RBM20: variants seen among roughly 807,000 people sequenced by gnomAD.
The protein encoded by RBM20 is RNA binding motif protein 20, also known as RNA-binding protein 20.
RBM20 carries 51 observed loss-of-function variants against 110.1 expected under a neutral mutation model. That is an observed-to-expected ratio of 0.46 (90% CI 0.37 to 0.59). RBM20 has a LOEUF of 0.59. RBM20 is among the 20% of genes least tolerant of loss of function. The probability of loss-of-function intolerance (pLI) is 0.00; values close to 1 mark genes in which losing one functional copy is unlikely to be tolerated. For missense variants in RBM20, 1,512 were observed against 1,574.9 expected, an observed-to-expected ratio of 0.96 and a Z score of 0.68; for synonymous variants, 589 against 618.2, an observed-to-expected ratio of 0.95 and a Z score of 0.70.
chr10:110,747,658 G>T (rs78679572), intron 1 of RBM20, among the ~76,000 whole-genome samples: 4 of 152,174 alleles, frequency 2.6e-5, no homozygotes, highest in African/African-American at 7.2e-5. Context: ...GAGGTACTTG[G>T]CTGGGACCAA....
intron 7 of RBM20, among the ~76,000 whole-genome samples, chr10:110,807,596 A>G (rs1844711014): frequency 6.6e-6 from 1 of 152,152 alleles, no homozygotes; most frequent in Non-Finnish European, 1.5e-5. Flanking sequence ...TCCTGCCCCC[A>G]TGCACCTGAG....
chr10:110,703,889 A>ACC (rs1172837712), intron 1 of RBM20, among the ~76,000 whole-genome samples: 11 of 152,190 alleles, frequency 7.2e-5, no homozygotes, highest in Non-Finnish European at 1.6e-4. Flanking sequence ...CGGTGGGTGG[A>ACC]TCACTTGAGG....
At chr10:110,650,243 G>A (rs1240892897) in intron 1 of RBM20, among the ~76,000 whole-genome samples, 1 of 152,200 alleles carries the variant, frequency 6.6e-6, no homozygotes, top group Non-Finnish European at 1.5e-5. Flanking sequence ...CGCGGTGGAA[G>A]TTACAGTCAA....
chr10:110,649,601 A>AT (rs1861918452), intron 1 of RBM20, among the ~76,000 whole-genome samples: 1 of 152,120 alleles, frequency 6.6e-6, no homozygotes, highest in African/African-American at 2.4e-5. Context: ...ACTTAATCTG[A>AT]TTTTTATTTC....
At chr10:110,692,763 A>C (rs1862604928) in intron 1 of RBM20, among the ~76,000 whole-genome samples, 1 of 152,164 alleles carries the variant, frequency 6.6e-6, no homozygotes, top group Non-Finnish European at 1.5e-5. Flanking sequence ...CCCTGTTTAG[A>C]ACTTCTAGTA....
At chr10:110,756,570 C>G (rs534950056) in intron 1 of RBM20, 1 of 152,358 alleles carries the variant, frequency 6.6e-6, no homozygotes, top group South Asian at 2.1e-4. Context: ...GCACATTCCT[C>G]CCACATCTGG....
At position 110,837,816 on chromosome 10, in the gene RBM20, A is replaced by C. The variant is rs1845152262; in HGVS notation, c.*1838A>C. ...AGCAGTTAAGGCAAGCACCAGGGGA[A>C]AGCAGACCAACTTGAACAGATGTGA... On this transcript the variant is annotated 3_prime_UTR_variant, in exon 14 of 14. Transcript: ENST00000369519. The C allele has an allele frequency of 6.6e-6, 1 of 152,356 alleles. No homozygotes were observed. The highest frequency in any genetic ancestry group is 1.5e-5 in the Non-Finnish European group (1 of 68,132). 9.4% of individuals were successfully genotyped at this position (152,356 alleles called of 1,614,324 possible).
intron 1 of RBM20, among the ~76,000 whole-genome samples, chr10:110,703,998 G>A (rs372691253): frequency 6.6e-6 from 1 of 152,180 alleles, no homozygotes; most frequent in East Asian, 1.9e-4. Flanking sequence ...TGTAGTCCCA[G>A]CTCCTCAGGA....
intron 1 of RBM20, among the ~76,000 whole-genome samples, chr10:110,652,107 T>C (rs1861957945): frequency 6.6e-6 from 1 of 152,238 alleles, no homozygotes; most frequent in Non-Finnish European, 1.5e-5. Context: ...ACATAAACCA[T>C]GTGTAGGTAT....
At chr10:110,667,474 C>A (rs780894459) in intron 1 of RBM20, among the ~76,000 whole-genome samples, 12 of 152,104 alleles carry the variant, frequency 7.9e-5, no homozygotes, top group Non-Finnish European at 1.5e-4. Context: ...GAAGATCCTG[C>A]CTCGGTGGGT....
intron 7 of RBM20, among the ~76,000 whole-genome samples, chr10:110,808,233 G>T (rs4244283): frequency 6.6e-6 from 1 of 152,112 alleles, no homozygotes; most frequent in South Asian, 2.1e-4. Flanking sequence ...TGAAGGACCA[G>T]TGGTCTCTAG....
chr10:110,689,376 A>G (rs867511626), intron 1 of RBM20, among the ~76,000 whole-genome samples: 9 of 152,222 alleles, frequency 5.9e-5, no homozygotes, highest in Middle Eastern at 3.2e-3. Context: ...ACACATGCAC[A>G]AACAGTATAA....
intron 1 of RBM20, among the ~76,000 whole-genome samples, chr10:110,766,959 C>G (rs1844097183): frequency 6.7e-6 from 1 of 148,472 alleles, no homozygotes; most frequent in Non-Finnish European, 1.5e-5. Flanking sequence ...GGGGGGTGAC[C>G]CCCCCACCTC....
intron 5 of RBM20, among the ~76,000 whole-genome samples, chr10:110,792,759 A>G (rs1844500671): frequency 6.6e-6 from 1 of 152,228 alleles, no homozygotes. Flanking sequence ...ATGGAGCTGC[A>G]GGATTCATAA....
At chr10:110,730,347 G>A (rs537452040) in intron 1 of RBM20, among the ~76,000 whole-genome samples, 4 of 152,300 alleles carry the variant, frequency 2.6e-5, no homozygotes, top group South Asian at 4.1e-4. Flanking sequence ...AATTGAATGC[G>A]CCTGATTTTA....
intron 7 of RBM20, among the ~76,000 whole-genome samples, chr10:110,807,925 C>A (rs373933531): frequency 3.3e-5 from 5 of 152,206 alleles, no homozygotes; most frequent in East Asian, 3.8e-4. Flanking sequence ...GGGAGGGACC[C>A]GGGGTGTGGC....
chr10:110,798,307 A>G (rs1476301691), intron 6 of RBM20, among the ~76,000 whole-genome samples: 2 of 152,242 alleles, frequency 1.3e-5, no homozygotes, highest in East Asian at 3.8e-4. Context: ...TTTTTACTTT[A>G]TGAATCGGAG....
chr10:110,752,070 C>T (rs1214681187), intron 1 of RBM20, among the ~76,000 whole-genome samples: 8 of 152,266 alleles, frequency 5.3e-5, no homozygotes, highest in Non-Finnish European at 1.0e-4. Flanking sequence ...CTGTCCTTTA[C>T]ACTGGGGTTC....
intron 1 of RBM20, among the ~76,000 whole-genome samples, chr10:110,692,563 A>T (rs192402430): frequency 1.3e-4 from 20 of 152,258 alleles, no homozygotes; most frequent in African/African-American, 4.8e-4. Flanking sequence ...GTGTGTAAAA[A>T]TGCAACTGAT....
Sources: gnomAD v4.1 joint callset for allele counts (sites outside exome capture counted in the v4.1 genomes callset) on GRCh38, gnomAD v4.1.1 for gene constraint, MANE v1.5 for transcripts, NCBI Gene and HGNC (gene_info 2026-07-23, HGNC 2026-07-21) for gene names.